The following EEF1AKMT4 variants were observed in gnomAD, a reference collection of about 807,000 sequenced individuals.
EEF1AKMT4 encodes EEF1A lysine methyltransferase 4.
In EEF1AKMT4, 17 loss-of-function variants were observed where a neutral mutation model predicts 23.0. The ratio of observed to expected loss-of-function variants is 0.74; its 90% confidence interval spans 0.51 to 1.11. The LOEUF (loss-of-function observed/expected upper bound fraction) is 1.11, where lower values mean the gene tolerates loss of function less well. Among genes scored for constraint, EEF1AKMT4 ranks in the 50% least tolerant of loss-of-function variants. The pLI is 0.00. For synonymous variants in EEF1AKMT4, 140 were observed against 141.4 expected (o/e 0.99, Z 0.07); for missense variants, 318 against 333.4 (o/e 0.95, Z 0.36).
chr3:184,256,501 ATAT>A (rs995064123), intron 1 of EEF1AKMT4, among the ~76,000 whole-genome samples: 1 of 151,988 alleles, frequency 6.6e-6, no homozygotes, highest in African/African-American at 2.4e-5. Context: ...GCTACTGATA[ATAT>A]TATGGTCCTA....
rs1397677322 is a variant in EEF1AKMT4, at chr3:184,249,817, G to A, written c.123G>A (p.Trp41Ter). 3.1e-6 allele frequency: 5 copies of A among 1,613,260 alleles called. No homozygotes were observed. The highest frequency in any genetic ancestry group is 4.2e-6 in the Non-Finnish European group (5 of 1,180,010). ...CAGCCGATTCTGCCCCCTACGATTG[G>A]TTCGGGGACTTCTCCTCCTTCCGTG... ...QGAADSAPYD[W>*]FGDFSSFRAL... Residue 41 changes from tryptophan to a stop codon, truncating the protein, a stop_gained, in exon 1 of 3, where the codon TGG (tryptophan) becomes TGA (stop). Coordinates refer to ENST00000324557, the MANE Select transcript of EEF1AKMT4 (RefSeq NM_032331.4). LOFTEE classifies it high-confidence loss of function.
At position 184,257,406 on chromosome 3, in the gene EEF1AKMT4, A is replaced by C; in HGVS notation, c.197-67A>C. 2.7e-6 allele frequency: 4 copies of C among 1,488,384 alleles called. No homozygotes were observed. The South Asian group carries it at 5.1e-5, about 19-fold the overall frequency. The allele number at this position is 1,488,384 out of a possible 1,614,324, so 92.2% of individuals were successfully genotyped here. Reference sequence around the variant, plus strand: ...AGAAAACGGGGCCAAGAGTGGATGGATATTCAGGGGGAGGTGAGAACCAAA... The same window carrying C: ...AGAAAACGGGGCCAAGAGTGGATGGCTATTCAGGGGGAGGTGAGAACCAAA... On this transcript the variant is annotated intron_variant, in intron 1 of 2. Coordinates refer to ENST00000324557, the MANE Select transcript of EEF1AKMT4 (RefSeq NM_032331.4).
chr3:184,254,750 C>A (rs968877911), intron 1 of EEF1AKMT4, among the ~76,000 whole-genome samples: 1 of 151,950 alleles, frequency 6.6e-6, no homozygotes. Context: ...AGAAAAGGGA[C>A]TGGCCAGAGG....
At chr3:184,250,834 A>G (rs1039163871) in intron 1 of EEF1AKMT4, among the ~76,000 whole-genome samples, 3 of 152,264 alleles carry the variant, frequency 2.0e-5, no homozygotes, top group African/African-American at 7.2e-5. Flanking sequence ...CATTAATCCC[A>G]GCACTTTGGG....
chr3:184,255,545 A>G (rs1719762457), intron 1 of EEF1AKMT4, among the ~76,000 whole-genome samples: 1 of 152,208 alleles, frequency 6.6e-6, no homozygotes, highest in South Asian at 2.1e-4. Flanking sequence ...CAGTGGGGCT[A>G]TCAAGAGCTG....
chr3:184,252,034 T>G (rs961385359), intron 1 of EEF1AKMT4, among the ~76,000 whole-genome samples: 18 of 152,222 alleles, frequency 1.2e-4, no homozygotes, highest in African/African-American at 4.3e-4. Flanking sequence ...TGCACTTATT[T>G]ATAGATTTAC....
chr3:184,249,881 C>G lies in EEF1AKMT4; in HGVS notation c.187C>G (p.Leu63Val), dbSNP rs1274231816. ...GGAGCTGCGGCCCGAGGACCGTATC[C>G]TTGTGCTAGGTGGGTAATCCCGGCG... ...EPELRPEDRI[L>V]VLGCGNSALS... Residue 63 changes from leucine to valine, a missense_variant, in exon 1 of 3, where the codon CTT becomes GTT. Physicochemically the swap from Leu to Val is conservative, Grantham distance 32 (BLOSUM62 1). Transcript: ENST00000324557. 3 of 1,610,238 alleles carry G rather than the reference C, an allele frequency of 1.9e-6. No homozygotes were observed. The highest frequency in any genetic ancestry group is 2.5e-6 in the Non-Finnish European group (3 of 1,177,734).
intron 1 of EEF1AKMT4, among the ~76,000 whole-genome samples, chr3:184,256,132 G>A (rs1284199817): frequency 6.6e-6 from 1 of 151,978 alleles, no homozygotes; most frequent in Non-Finnish European, 1.5e-5. Context: ...AAATTAGCTG[G>A]GCATGGTGGT....
chr3:184,255,135 CCA>C (rs1230873543), intron 1 of EEF1AKMT4, among the ~76,000 whole-genome samples: 2 of 152,134 alleles, frequency 1.3e-5, no homozygotes. Flanking sequence ...CTGGATTTGT[CCA>C]CAGTTTGGCA....
At chr3:184,253,794 C>T (rs1719669254) in intron 1 of EEF1AKMT4, among the ~76,000 whole-genome samples, 1 of 151,674 alleles carries the variant, frequency 6.6e-6, no homozygotes, top group African/African-American at 2.4e-5. Flanking sequence ...CTCAGCCTTC[C>T]GAGTAGCTGG....
intron 2 of EEF1AKMT4, 107 bp from the exon 3 acceptor site, chr3:184,258,181 T>C (rs1019052034): frequency 1.9e-6 from 2 of 1,042,454 alleles, no homozygotes; most frequent in East Asian, 4.8e-5. Context: ...GAGCTACAGA[T>C]GTGGGGTGGT....
chr3:184,257,538 G>C lies in EEF1AKMT4; in HGVS notation c.262G>C (p.Asp88His), dbSNP rs1228384493. 2 of 1,614,154 alleles carry C rather than the reference G, an allele frequency of 1.2e-6. No individual in the cohort carries two copies. The highest frequency in any genetic ancestry group is 3.3e-5 in the Admixed American group (2 of 60,030). The change falls in exon 2 of 3, where the codon GAC (aspartate) becomes CAC (histidine). Residue 88 changes from aspartate (D) to histidine (H), a missense_variant. By Grantham distance (81) the Asp-to-His change is moderately conservative. Transcript: ENST00000324557. ...LGGFPNVTSV[D>H]YSSVVVAAMQ... ...AGGCTTCCCTAATGTGACCAGTGTG[G>C]ACTACTCATCAGTCGTGGTGGCTGC...
At chr3:184,256,835 T>A (rs1002270184) in intron 1 of EEF1AKMT4, among the ~76,000 whole-genome samples, 4 of 151,300 alleles carry the variant, frequency 2.6e-5, no homozygotes, top group Non-Finnish European at 4.4e-5. Flanking sequence ...CACGCCTGGC[T>A]AATTTTGTAT....
chr3:184,258,657 G>T lies in EEF1AKMT4; in HGVS notation c.*82G>T, dbSNP rs1560172791. ...TTGGAATTCCTGACTTAGGACTTGGGGTTGGGTCCAAGGTGCTTACATCCC... is the reference window on the plus strand; with the variant it reads ...TTGGAATTCCTGACTTAGGACTTGGTGTTGGGTCCAAGGTGCTTACATCCC... On this transcript the variant is annotated 3_prime_UTR_variant, in exon 3 of 3. Transcript: ENST00000324557. 6.0e-6 allele frequency: 9 copies of T among 1,509,226 alleles called. No homozygotes were observed. The highest frequency in any genetic ancestry group is 7.9e-6 in the Non-Finnish European group (9 of 1,132,940). 93.5% of individuals were successfully genotyped at this position (1,509,226 alleles called of 1,614,324 possible).
At position 184,257,720 on chromosome 3, in the gene EEF1AKMT4, TG is replaced by T. The variant is rs1560172257; in HGVS notation, c.445del (p.Glu149LysfsTer10). On this transcript the variant is annotated frameshift_variant, in exon 2 of 3. Coordinates refer to ENST00000324557, the MANE Select transcript of EEF1AKMT4 (RefSeq NM_032331.4). LOFTEE classifies it high-confidence loss of function. ...GERDPWTVSS[E>X]GVHTVDQVLS... ...AACGAGATCCCTGGACCGTGTCCTC[TG>T]AAGGTGTCCACACTGTGGACCAGGT... The T allele has an allele frequency of 6.2e-7, 1 of 1,613,806 alleles. No individual in the cohort carries two copies. The highest frequency in any genetic ancestry group is 8.5e-7 in the Non-Finnish European group (1 of 1,179,956).
chr3:184,258,189 G>A (rs1719898928), intron 2 of EEF1AKMT4, 99 bp from the exon 3 acceptor site: 1 of 1,119,060 alleles, frequency 8.9e-7, no homozygotes, highest in African/African-American at 1.6e-5. Context: ...GATGTGGGGT[G>A]GTTCCTGAGG....
At chr3:184,252,946 CAAAAAAAAAAAA>C (rs563455729) in intron 1 of EEF1AKMT4, among the ~76,000 whole-genome samples, 17 of 45,404 alleles carry the variant, frequency 3.7e-4, no homozygotes, top group African/African-American at 6.6e-4. Context: ...AACTCCATCT[CAAAAAAAAAAAA>C]AAAAAAAAAA....
chr3:184,257,158 C>T (rs558852338), intron 1 of EEF1AKMT4, among the ~76,000 whole-genome samples: 6 of 145,238 alleles, frequency 4.1e-5, no homozygotes, highest in Non-Finnish European at 7.4e-5. Flanking sequence ...TGCAGTGAGC[C>T]GAGATTACAC....
At chr3:184,257,823 C>T in intron 2 of EEF1AKMT4, 67 bp downstream of exon 2, 1 of 1,537,330 alleles carries the variant, frequency 6.5e-7, no homozygotes. Flanking sequence ...TTTCAGGGGA[C>T]TGGAAGAAAT....
Sources: gnomAD v4.1 joint callset for allele counts (sites outside exome capture counted in the v4.1 genomes callset) on GRCh38, gnomAD v4.1.1 for gene constraint, MANE v1.5 for transcripts, NCBI Gene and HGNC (gene_info 2026-07-23, HGNC 2026-07-21) for gene names.